The following SEMA6A variants were observed in gnomAD, a reference collection of about 807,000 sequenced individuals.
The protein encoded by SEMA6A is semaphorin 6A.
SEMA6A carries 25 observed loss-of-function variants against 96.8 expected under a neutral mutation model. That is an observed-to-expected ratio of 0.26 (90% confidence interval 0.19 to 0.36). The LOEUF is 0.36. Among genes scored for constraint, SEMA6A ranks in the 10% least tolerant of loss-of-function variants. The probability of loss-of-function intolerance (pLI) is 1.00; values close to 1 mark genes in which losing one functional copy is unlikely to be tolerated. For synonymous variants in SEMA6A, 612 were observed against 518.0 expected, an observed-to-expected ratio of 1.18 and a Z score of -2.46; for missense variants, 1,363 against 1,323.1, an observed-to-expected ratio of 1.03 and a Z score of -0.47.
intron 1 of SEMA6A, among the ~76,000 whole-genome samples, chr5:116,507,636 C>T (rs78552251): frequency 0.033 from 5,097 of 152,282 alleles, 138 homozygotes; most frequent in African/African-American, 0.07. Context: ...TATCTGCAAA[C>T]ATTTGTCGAT....
intron 1 of SEMA6A, among the ~76,000 whole-genome samples, chr5:116,572,384 C>A (rs1761255625): frequency 6.6e-6 from 1 of 152,228 alleles, no homozygotes; most frequent in African/African-American, 2.4e-5. Flanking sequence ...AAGACCGACG[C>A]GAAAAAGCCT....
intron 1 of SEMA6A, chr5:116,554,744 G>A (rs1490672209): frequency 6.6e-6 from 1 of 151,592 alleles, no homozygotes; most frequent in Non-Finnish European, 1.5e-5. Flanking sequence ...AGTACCTTTT[G>A]GGAGTTTCAT....
chr5:116,455,360 G>A (rs1754946426), intron 18 of SEMA6A, among the ~76,000 whole-genome samples: 1 of 152,200 alleles, frequency 6.6e-6, no homozygotes, highest in Admixed American at 6.5e-5. Flanking sequence ...TCCCCGTAAA[G>A]GTAATGATTC....
intron 1 of SEMA6A, among the ~76,000 whole-genome samples, chr5:116,555,748 G>A (rs565802951): frequency 7.2e-4 from 109 of 152,200 alleles, no homozygotes; most frequent in African/African-American, 2.6e-3. Context: ...GATCACTTGA[G>A]CCCAGGAGCT....
chr5:116,542,802 T>A (rs747868763), intron 1 of SEMA6A, among the ~76,000 whole-genome samples: 1 of 152,140 alleles, frequency 6.6e-6, no homozygotes, highest in African/African-American at 2.4e-5. Flanking sequence ...CATAAGGAAG[T>A]GAGGGCAGCG....
In SEMA6A at chr5:116,446,763, C is replaced by G. The variant is rs1754238293; in HGVS notation, c.2943G>C (p.Val981=). The change falls in exon 19 of 19, where the codon GTG becomes GTC. Residue 981 remains valine, a synonymous_variant. Transcript: ENST00000343348. ...VHSSQPSGQA[V]TVSRQPSLNA... ...TGAGGCTGGGCTGCCTCGAGACAGT[C>G]ACGGCCTGGCCAGATGGCTGGGAGC... 2 of 1,610,214 alleles carry G rather than the reference C, an allele frequency of 1.2e-6. No homozygotes were observed. The highest frequency in any genetic ancestry group is 1.7e-4 in the Middle Eastern group (1 of 6,056).
At chr5:116,470,134 A>G (rs1318420131) in intron 17 of SEMA6A, among the ~76,000 whole-genome samples, 1 of 152,162 alleles carries the variant, frequency 6.6e-6, no homozygotes, top group Non-Finnish European at 1.5e-5. Flanking sequence ...ACCACCCTGT[A>G]AAAGCACCAT....
chr5:116,462,542 T>C lies in SEMA6A; in HGVS notation c.1894+5041A>G, dbSNP rs533491519. On this transcript the variant is annotated intron_variant, in intron 18 of 18. Coordinates refer to ENST00000343348, the MANE Select transcript of SEMA6A (RefSeq NM_020796.5). ...CAAGCCTAGAGTGGCTAATTTCTTATTAGTCTAAATCCATGTTACTTTAAA... is the reference window on the plus strand; with the variant it reads ...CAAGCCTAGAGTGGCTAATTTCTTACTAGTCTAAATCCATGTTACTTTAAA... Among the ~76,000 whole-genome samples the C allele has an allele frequency of 1.4e-4, 21 of 152,302 alleles. No individual in the cohort carries two copies. The South Asian group carries it at 4.4e-3, about 32-fold the overall frequency.
At chr5:116,478,286 G>T in intron 13 of SEMA6A, 132 bp from the exon 14 acceptor site, 1 of 1,058,594 alleles carries the variant, frequency 9.4e-7, no homozygotes, top group Non-Finnish European at 1.4e-6. Flanking sequence ...AAACCCTTCT[G>T]CTCTTGCACA....
chr5:116,507,194 A>G (rs1004145832), intron 1 of SEMA6A, among the ~76,000 whole-genome samples: 3 of 152,230 alleles, frequency 2.0e-5, no homozygotes, highest in African/African-American at 7.2e-5. Context: ...CTATCATTAT[A>G]TCATCAGGTA....
chr5:116,524,448 A>G (rs186791907), intron 1 of SEMA6A, among the ~76,000 whole-genome samples: 2 of 152,334 alleles, frequency 1.3e-5, no homozygotes, highest in East Asian at 1.9e-4. Flanking sequence ...TTAAAGCAGC[A>G]TGGAACATGT....
intron 1 of SEMA6A, among the ~76,000 whole-genome samples, chr5:116,523,696 A>T (rs750485796): frequency 5.9e-5 from 9 of 152,136 alleles, no homozygotes; most frequent in Non-Finnish European, 8.8e-5. Flanking sequence ...TGCACATTGG[A>T]ATCACCTAGA....
chr5:116,474,329 T>A (rs1756340620), intron 16 of SEMA6A, among the ~76,000 whole-genome samples: 1 of 149,802 alleles, frequency 6.7e-6, no homozygotes, highest in South Asian at 2.1e-4. Context: ...CCTGTTTCCT[T>A]GCAAATAAAG....
chr5:116,521,228 G>T (rs1758933507), intron 1 of SEMA6A, among the ~76,000 whole-genome samples: 2 of 152,196 alleles, frequency 1.3e-5, no homozygotes, highest in Non-Finnish European at 2.9e-5. Context: ...ACAAAGTGAA[G>T]CTCTGGTTGT....
chr5:116,499,423 CG>C (rs1229560005), intron 3 of SEMA6A, among the ~76,000 whole-genome samples: 2 of 17,674 alleles, frequency 1.1e-4, no homozygotes, highest in Non-Finnish European at 2.3e-4. Context: ...GGGGGTTGGC[CG>C]GGGGGTGGGG....
At chr5:116,450,423 C>T (rs979015999) in intron 18 of SEMA6A, among the ~76,000 whole-genome samples, 15 of 152,290 alleles carry the variant, frequency 9.8e-5, no homozygotes, top group Admixed American at 7.2e-4. Flanking sequence ...TTAAAAGGAA[C>T]GTGGAAAGAG....
intron 1 of SEMA6A, among the ~76,000 whole-genome samples, chr5:116,524,789 GACAC>G (rs1379145592): frequency 7.7e-6 from 1 of 130,658 alleles, no homozygotes; most frequent in South Asian, 2.2e-4. Flanking sequence ...CACACACACA[GACAC>G]ACACACACAC....
intron 1 of SEMA6A, among the ~76,000 whole-genome samples, chr5:116,526,590 C>T (rs983595253): frequency 1.3e-5 from 2 of 152,158 alleles, no homozygotes; most frequent in African/African-American, 2.4e-5. Context: ...TAAACACATA[C>T]GTCGTATAAG....
At chr5:116,552,693 G>A (rs1368478352) in intron 1 of SEMA6A, among the ~76,000 whole-genome samples, 1 of 152,166 alleles carries the variant, frequency 6.6e-6, no homozygotes, top group African/African-American at 2.4e-5. Flanking sequence ...ATCTATTTCG[G>A]TGAAGGGACA....
Sources: allele counts gnomAD v4.1 joint callset (sites outside exome capture counted in the v4.1 genomes callset), GRCh38; gene constraint gnomAD v4.1.1; transcripts MANE v1.5; gene names NCBI Gene and HGNC (gene_info 2026-07-23, HGNC 2026-07-21).